SYNPO2: variants seen among roughly 807,000 people sequenced by gnomAD.
SYNPO2 encodes synaptopodin-2.
Under a neutral mutation model 85.0 loss-of-function variants are expected in SYNPO2, and 56 were observed. The observed-to-expected ratio is 0.66, with a 90% CI of 0.53 to 0.82. The LOEUF is 0.82. SYNPO2 is among the 40% of genes least tolerant of loss of function. The pLI, the probability that SYNPO2 is intolerant of heterozygous loss-of-function variation, is 0.00. For missense variants in SYNPO2, 1,575 were observed against 1,534.2 expected (o/e 1.03, Z -0.44); for synonymous variants, 602 against 591.1 (o/e 1.02, Z -0.27).
intron 1 of SYNPO2, among the ~76,000 whole-genome samples, chr4:118,962,603 A>G (rs1216481570): frequency 2.0e-5 from 3 of 152,286 alleles, no homozygotes; most frequent in Non-Finnish European, 4.4e-5. Flanking sequence ...AACTTTGACT[A>G]TTTTTAATAG....
intron 1 of SYNPO2, among the ~76,000 whole-genome samples, chr4:118,932,065 T>G (rs76968129): frequency 6.6e-6 from 1 of 152,202 alleles, no homozygotes; most frequent in East Asian, 1.9e-4. Context: ...AGTAAGCCAT[T>G]GGATTTTGTG....
chr4:119,021,484 GAA>G, intron 1 of SYNPO2, among the ~76,000 whole-genome samples: 1 of 152,040 alleles, frequency 6.6e-6, no homozygotes, highest in South Asian at 2.1e-4. Context: ...ATGCTTGGTA[GAA>G]AAAAATCTAG....
At position 118,865,169 on chromosome 4, in the gene SYNPO2, G is replaced by A. The variant is rs534604782; in HGVS notation, c.12+14229G>A. 2.0e-5 allele frequency among the ~76,000 whole-genome samples: 3 copies of A among 152,332 alleles called. No individual in the cohort carries two copies. In the South Asian group the frequency reaches 6.2e-4, roughly 32 times the overall value. On this transcript the variant is annotated intron_variant, in intron 1 of 4. Transcript: ENST00000610556. Reference sequence around the variant, plus strand: ...TGCTGGAGTCTTGGAGGAGGCTGGAGGAGACTGGTTCTGCAAGTGTTGGAA... The same window carrying A: ...TGCTGGAGTCTTGGAGGAGGCTGGAAGAGACTGGTTCTGCAAGTGTTGGAA...
Position 119,058,289 on chromosome 4 carries a change from C to G in SYNPO2, c.*355C>G, listed in dbSNP as rs561901977. Reference sequence around the variant, plus strand: ...CAAACTCTACTCAATTAAAGTAAAACTAAGTATTTCTTCATTGTACCTTAG... The same window carrying G: ...CAAACTCTACTCAATTAAAGTAAAAGTAAGTATTTCTTCATTGTACCTTAG... On this transcript the variant is annotated 3_prime_UTR_variant, in exon 5 of 5. Coordinates refer to ENST00000307142, the MANE Select transcript of SYNPO2 (RefSeq NM_133477.3). 5.9e-5 allele frequency: 10 copies of G among 169,550 alleles called. No individual in the cohort carries two copies. The South Asian group carries it at 1.6e-3, about 27-fold the overall frequency. 10.5% of individuals were successfully genotyped at this position (169,550 alleles called of 1,614,324 possible).
At chr4:119,025,996 G>A (rs1379312312) in intron 2 of SYNPO2, among the ~76,000 whole-genome samples, 1 of 152,104 alleles carries the variant, frequency 6.6e-6, no homozygotes, top group Non-Finnish European at 1.5e-5. Flanking sequence ...AGAAGAAAGG[G>A]AGACATCTCA....
chr4:118,949,490 C>A (rs1734622284), intron 1 of SYNPO2, among the ~76,000 whole-genome samples: 1 of 151,774 alleles, frequency 6.6e-6, no homozygotes, highest in South Asian at 2.1e-4. Flanking sequence ...TCCTATAATC[C>A]CAGCAATTTG....
At chr4:118,887,724 A>G (rs1358952074), upstream of SYNPO2, among the ~76,000 whole-genome samples, 1 of 152,192 alleles carries the variant, frequency 6.6e-6, no homozygotes, top group African/African-American at 2.4e-5. Context: ...GTTTTTATCA[A>G]TTAGTCGATG....
At chr4:118,984,520 C>T (rs894408665) in intron 1 of SYNPO2, among the ~76,000 whole-genome samples, 1 of 152,166 alleles carries the variant, frequency 6.6e-6, no homozygotes, top group Admixed American at 6.5e-5. Flanking sequence ...CCCTCTGACA[C>T]ACTCCACAGG....
chr4:119,003,554 CA>C (rs974307490), intron 1 of SYNPO2, among the ~76,000 whole-genome samples: 1 of 152,150 alleles, frequency 6.6e-6, no homozygotes, highest in Non-Finnish European at 1.5e-5. Context: ...TTTTAATTGC[CA>C]AAAGTCCTTC....
intron 1 of SYNPO2, among the ~76,000 whole-genome samples, chr4:118,881,201 C>A (rs549717743): frequency 6.6e-6 from 1 of 151,180 alleles, no homozygotes; most frequent in South Asian, 2.1e-4. Flanking sequence ...ACTCAGGAGG[C>A]TGAGGCAGGA....
At chr4:118,883,249 AT>A (rs1303068384) in intron 1 of SYNPO2, among the ~76,000 whole-genome samples, 1 of 152,062 alleles carries the variant, frequency 6.6e-6, no homozygotes, top group Non-Finnish European at 1.5e-5. Flanking sequence ...TTCTCCAAAA[AT>A]TTTTACCATT....
intron 1 of SYNPO2, among the ~76,000 whole-genome samples, chr4:118,880,380 T>G (rs558591007): frequency 2.0e-5 from 3 of 152,154 alleles, no homozygotes; most frequent in Non-Finnish European, 2.9e-5. Flanking sequence ...ATTTTAACAC[T>G]GATTTTGGGG....
At chr4:118,888,249 A>T (rs1336590982), upstream of SYNPO2, among the ~76,000 whole-genome samples, 1 of 152,082 alleles carries the variant, frequency 6.6e-6, no homozygotes, top group Admixed American at 6.6e-5. Context: ...CCAGGAGAAA[A>T]ATTCATATTC....
chr4:118,900,703 C>CTATATATATATATA (rs373144800), intron 1 of SYNPO2, among the ~76,000 whole-genome samples: 101 of 43,802 alleles, frequency 2.3e-3, no homozygotes, highest in Non-Finnish European at 3.1e-3. Context: ...CTCTCTCTCT[C>CTATATATATATATA]TATATATATA....
At chr4:118,872,434 T>C (rs938107354) in intron 1 of SYNPO2, among the ~76,000 whole-genome samples, 1 of 152,210 alleles carries the variant, frequency 6.6e-6, no homozygotes, top group Non-Finnish European at 1.5e-5. Context: ...GCCGTGATAT[T>C]GCATAACAAT....
intron 1 of SYNPO2, among the ~76,000 whole-genome samples, chr4:118,917,288 G>A (rs754487459): frequency 4.6e-5 from 7 of 152,148 alleles, no homozygotes; most frequent in Non-Finnish European, 1.0e-4. Flanking sequence ...AGCTACTTGG[G>A]AGGCTGACAG....
At chr4:118,977,450 G>C (rs1013292339) in intron 1 of SYNPO2, among the ~76,000 whole-genome samples, 3 of 152,238 alleles carry the variant, frequency 2.0e-5, no homozygotes, top group African/African-American at 7.2e-5. Context: ...CTCCCTGCAA[G>C]CTGAGGGAGT....
intron 1 of SYNPO2, among the ~76,000 whole-genome samples, chr4:118,921,191 G>T (rs1165766201): frequency 6.6e-6 from 1 of 152,120 alleles, no homozygotes; most frequent in Non-Finnish European, 1.5e-5. Flanking sequence ...ACAGGTGTGA[G>T]CCACCACACC....
At chr4:118,891,572 A>G (rs1732382683) in intron 1 of SYNPO2, among the ~76,000 whole-genome samples, 1 of 152,232 alleles carries the variant, frequency 6.6e-6, no homozygotes, top group South Asian at 2.1e-4. Flanking sequence ...TTTCTCTGTT[A>G]TCAAGGCCAT....
Sources: allele counts gnomAD v4.1 joint callset (sites outside exome capture counted in the v4.1 genomes callset), GRCh38; gene constraint gnomAD v4.1.1; transcripts MANE v1.5; gene names NCBI Gene and HGNC (gene_info 2026-07-23, HGNC 2026-07-21).